Variants in NFYC observed in about 807,000 individuals in gnomAD.
NFYC encodes CAAT box DNA-binding protein subunit C.
NFYC carries 25 observed loss-of-function variants against 53.1 expected under a neutral mutation model. That is an observed-to-expected ratio of 0.47 (90% CI 0.34 to 0.66). The LOEUF is 0.66. Among genes scored for constraint, NFYC ranks in the 30% least tolerant of loss-of-function variants. NFYC has a pLI of 0.01. For synonymous variants in NFYC, 145 were observed against 152.6 expected (o/e 0.95, Z 0.37); for missense variants, 260 against 422.7 (o/e 0.62, Z 3.38).
intron 1 of NFYC, among the ~76,000 whole-genome samples, chr1:40,708,508 C>G (rs7518568): frequency 0.66 from 99,579 of 151,964 alleles, 32,908 homozygotes; most frequent in African/African-American, 0.72. Context: ...TTTTGTCATT[C>G]CCCCCAACCC....
At chr1:40,766,807 C>T (rs763476993) in intron 8 of NFYC, 104 bp downstream of exon 8, 1 of 1,482,122 alleles carries the variant, frequency 6.7e-7, no homozygotes, top group Non-Finnish European at 9.3e-7. Flanking sequence ...CCTCATCCTT[C>T]AACCAGAAGC....
At chr1:40,697,315 G>A (rs1187524361) in intron 1 of NFYC, among the ~76,000 whole-genome samples, 1 of 152,152 alleles carries the variant, frequency 6.6e-6, no homozygotes. Flanking sequence ...TGTCTGCTCT[G>A]CAATATACAG....
At chr1:40,716,208 A>T (rs1232059984) in intron 1 of NFYC, among the ~76,000 whole-genome samples, 1 of 152,228 alleles carries the variant, frequency 6.6e-6, no homozygotes, top group African/African-American at 2.4e-5. Context: ...GATGATGTTT[A>T]TCAAGTATTA....
chr1:40,708,386 G>A (rs1643820742), intron 1 of NFYC, among the ~76,000 whole-genome samples: 1 of 152,176 alleles, frequency 6.6e-6, no homozygotes, highest in Non-Finnish European at 1.5e-5. Flanking sequence ...TTATATTAGG[G>A]ACATGAGCAC....
At chr1:40,743,316 G>A (rs2148639523) in intron 2 of NFYC, among the ~76,000 whole-genome samples, 1 of 152,340 alleles carries the variant, frequency 6.6e-6, no homozygotes, top group South Asian at 2.1e-4. Context: ...CAAGATGATT[G>A]TGCACCAGAG....
chr1:40,754,759 G>A (rs754313838), intron 5 of NFYC, among the ~76,000 whole-genome samples: 1 of 152,116 alleles, frequency 6.6e-6, no homozygotes, highest in African/African-American at 2.4e-5. Context: ...CTGGAGAGAA[G>A]GGTCACATCC....
At chr1:40,730,760 TAGTC>T (rs1376696871) in intron 1 of NFYC, among the ~76,000 whole-genome samples, 3 of 152,226 alleles carry the variant, frequency 2.0e-5, no homozygotes, top group African/African-American at 4.8e-5. Flanking sequence ...ATTTGTTTCT[TAGTC>T]AGTACTGAGC....
chr1:40,705,642 G>T (rs1643659908), intron 1 of NFYC, among the ~76,000 whole-genome samples: 1 of 152,138 alleles, frequency 6.6e-6, no homozygotes, highest in South Asian at 2.1e-4. Context: ...TAATTTAGTA[G>T]TAAAATTTGT....
chr1:40,698,047 T>A (rs1026462324), intron 1 of NFYC, among the ~76,000 whole-genome samples: 10 of 152,176 alleles, frequency 6.6e-5, no homozygotes, highest in African/African-American at 2.2e-4. Context: ...TCCAGTAGAA[T>A]ACGTTTAAAA....
chr1:40,716,108 T>C (rs1644125309), intron 1 of NFYC, among the ~76,000 whole-genome samples: 1 of 152,260 alleles, frequency 6.6e-6, no homozygotes, highest in Non-Finnish European at 1.5e-5. Flanking sequence ...TGGATGCTTT[T>C]TACACTTCCT....
At chr1:40,749,536 G>T (rs1645796295) in intron 3 of NFYC, 37 bp from the exon 4 acceptor site, 3 of 1,534,766 alleles carry the variant, frequency 2.0e-6, no homozygotes, top group African/African-American at 2.7e-5. Flanking sequence ...TGCATGACTT[G>T]CTGGTGATTG....
intron 3 of NFYC, among the ~76,000 whole-genome samples, chr1:40,748,063 C>T (rs565942930): frequency 4.0e-5 from 6 of 151,756 alleles, no homozygotes; most frequent in East Asian, 1.9e-4. Flanking sequence ...CTTGAACTCC[C>T]GACCTCAGGT....
At chr1:40,736,410 C>T (rs1290325934) in intron 1 of NFYC, among the ~76,000 whole-genome samples, 1 of 152,156 alleles carries the variant, frequency 6.6e-6, no homozygotes, top group Admixed American at 6.5e-5. Flanking sequence ...GTGTTCTGCC[C>T]AGTATGTATC....
rs540434032 is a variant in NFYC, at chr1:40,708,558, T to C, written c.-9+16691T>C. On this transcript the variant is annotated intron_variant, in intron 1 of 9. Transcript: ENST00000447388. ...TCCTTCTTAGGTTCCTGGTTGACTT[T>C]CTAGAAATGCCACTTCCATTGTCCC... 5.9e-5 allele frequency among the ~76,000 whole-genome samples: 9 copies of C among 152,302 alleles called. 1 individual carries two copies. Among genetic ancestry groups the C allele is most frequent in the African/African-American group, 2.2e-4 (9 of 41,556 alleles).
chr1:40,743,209 T>G (rs1645442518), intron 2 of NFYC, among the ~76,000 whole-genome samples: 2 of 152,236 alleles, frequency 1.3e-5, no homozygotes, highest in African/African-American at 4.8e-5. Context: ...CAATTTATCT[T>G]TCATTTTAGC....
chr1:40,712,008 A>G (rs1029224995), intron 1 of NFYC, among the ~76,000 whole-genome samples: 22 of 152,160 alleles, frequency 1.4e-4, no homozygotes, highest in African/African-American at 5.3e-4. Context: ...ATAGTGTCTG[A>G]TTTAGTGGCG....
At chr1:40,721,469 A>T (rs1644324469) in intron 1 of NFYC, 1 of 152,196 alleles carries the variant, frequency 6.6e-6, no homozygotes, top group Non-Finnish European at 1.5e-5. Context: ...ACCCTCTAAC[A>T]TAAACAAGAT....
At chr1:40,707,849 CAA>C (rs56325253) in intron 1 of NFYC, among the ~76,000 whole-genome samples, 62 of 99,380 alleles carry the variant, frequency 6.2e-4, no homozygotes, top group Non-Finnish European at 6.9e-4. Flanking sequence ...GACCCTATCT[CAA>C]AAAAAAAAAA....
At chr1:40,747,162 T>C (rs1473844557) in intron 2 of NFYC, among the ~76,000 whole-genome samples, 1 of 151,842 alleles carries the variant, frequency 6.6e-6, no homozygotes, top group Non-Finnish European at 1.5e-5. Context: ...GAAATCTCAT[T>C]TTAATCTGCA....
Sources: allele counts gnomAD v4.1 joint callset (sites outside exome capture counted in the v4.1 genomes callset), GRCh38; gene constraint gnomAD v4.1.1; transcripts MANE v1.5; gene names NCBI Gene and HGNC (gene_info 2026-07-23, HGNC 2026-07-21).